NDUFB5: variants seen among roughly 807,000 people sequenced by gnomAD.
NDUFB5 encodes NADH dehydrogenase [ubiquinone] 1 beta subcomplex subunit 5, mitochondrial.
A neutral mutation model predicts 19.4 loss-of-function variants in NDUFB5; 19 were observed. The observed-to-expected ratio is 0.98, with a 90% CI of 0.68 to 1.43. The LOEUF is 1.43. Ranked by LOEUF, NDUFB5 falls within the 40% of genes most tolerant of loss-of-function variation. The pLI is 0.00. For missense variants in NDUFB5, 233 were observed against 236.5 expected, an observed-to-expected ratio of 0.99 and a Z score of 0.10; for synonymous variants, 80 against 82.6, an observed-to-expected ratio of 0.97 and a Z score of 0.17.
chr3:179,621,563 G>C (rs1230988360), intron 5 of NDUFB5, among the ~76,000 whole-genome samples: 1 of 149,088 alleles, frequency 6.7e-6, no homozygotes, highest in Non-Finnish European at 1.5e-5. Flanking sequence ...CGTGGTCTCG[G>C]CACACTGCAA....
chr3:179,604,836 G>T lies in NDUFB5; in HGVS notation c.21G>T (p.Leu7Phe). The T allele has an allele frequency of 9.3e-6, 15 of 1,606,622 alleles. No individual in the cohort carries two copies. The highest frequency in any genetic ancestry group is 1.3e-5 in the Non-Finnish European group (15 of 1,178,236). Residue 7 changes from leucine (L) to phenylalanine (F), a missense_variant, in exon 1 of 6, where the codon TTG (leucine) becomes TTT (phenylalanine). Leu to Phe is a conservative substitution (Grantham distance 22). Transcript: ENST00000259037. MAAMSL[L>F]RRVSVTAVAA... ...TAGCCATGGCGGCCATGAGTTTGTT[G>T]CGGCGGGTTTCGGTTACTGCGGTGG...
intron 1 of NDUFB5, among the ~76,000 whole-genome samples, chr3:179,608,996 A>C (rs1259742159): frequency 1.3e-5 from 2 of 152,238 alleles, no homozygotes; most frequent in Non-Finnish European, 2.9e-5. Flanking sequence ...ATTACTGTAA[A>C]GCTTCACTTA....
At chr3:179,605,553 C>T (rs1002229174) in intron 1 of NDUFB5, among the ~76,000 whole-genome samples, 1 of 151,820 alleles carries the variant, frequency 6.6e-6, no homozygotes, top group Non-Finnish European at 1.5e-5. Context: ...GCAACCTCCG[C>T]CTCCTGGGTT....
chr3:179,613,899 G>C (rs1454324603), intron 1 of NDUFB5, among the ~76,000 whole-genome samples: 2 of 152,144 alleles, frequency 1.3e-5, no homozygotes, highest in Admixed American at 1.3e-4. Context: ...AAAAATGTTG[G>C]CATCTTGGAA....
At chr3:179,619,695 A>C (rs1418049129) in intron 5 of NDUFB5, among the ~76,000 whole-genome samples, 1 of 152,134 alleles carries the variant, frequency 6.6e-6, no homozygotes, top group Non-Finnish European at 1.5e-5. Context: ...ATGATTTATA[A>C]TCCTTTGGGT....
In NDUFB5 at chr3:179,624,553, A is replaced by C. The variant is rs1719619734; in HGVS notation, c.*513A>C. On this transcript the variant is annotated 3_prime_UTR_variant, in exon 6 of 6. Coordinates refer to ENST00000259037, the MANE Select transcript of NDUFB5 (RefSeq NM_002492.4). ...CATGTATTGTTCTTTTTTAAACTAC[A>C]CACAGACACACAGACACGTACACAC... 1 of 142,752 alleles carries C rather than the reference A, an allele frequency of 7.0e-6. No homozygotes were observed. The allele number at this position is 142,752 out of a possible 1,614,324, so 8.8% of individuals were successfully genotyped here.
chr3:179,605,076 A>T, intron 1 of NDUFB5, 137 bp downstream of exon 1: 3 of 1,274,230 alleles, frequency 2.4e-6, no homozygotes, highest in Non-Finnish European at 2.1e-6. Context: ...GGAGAGACGG[A>T]GCACGAGCTA....
chr3:179,621,278 G>A (rs1158670191), intron 5 of NDUFB5, among the ~76,000 whole-genome samples: 2 of 151,896 alleles, frequency 1.3e-5, no homozygotes, highest in African/African-American at 2.4e-5. Flanking sequence ...TAGTTTCACC[G>A]TGTTGCCTAG....
chr3:179,618,537 G>T lies in NDUFB5; in HGVS notation c.449+16G>T. The T allele has an allele frequency of 6.5e-7, 1 of 1,548,306 alleles. No homozygotes were observed. The highest frequency in any genetic ancestry group is 1.2e-5 in the South Asian group (1 of 86,758). ...CTGAATTACGGTAGGAAAAACGAGG[G>T]GGTAGGTGGGAAAGAAAATCTTCCT... On this transcript the variant is annotated intron_variant, in intron 5 of 5. Coordinates refer to ENST00000259037, the MANE Select transcript of NDUFB5 (RefSeq NM_002492.4).
chr3:179,621,703 A>G (rs1719543436), intron 5 of NDUFB5, among the ~76,000 whole-genome samples: 2 of 147,712 alleles, frequency 1.4e-5, no homozygotes, highest in Non-Finnish European at 3.0e-5. Flanking sequence ...CTGGTCTTGA[A>G]CTCCTGGCCT....
At chr3:179,609,233 T>G (rs142333295) in intron 1 of NDUFB5, among the ~76,000 whole-genome samples, 2,191 of 152,266 alleles carry the variant, frequency 0.014, 20 homozygotes, top group Middle Eastern at 0.041. Context: ...TCTGCAGAAG[T>G]GTAATTGCTG....
rs1021133014 is a variant in NDUFB5 at position 179,625,290 on chromosome 3, A to G, written c.*1250A>G. 3 of 152,220 alleles carry G rather than the reference A, an allele frequency of 2.0e-5. No homozygotes were observed. Among genetic ancestry groups the G allele is most frequent in the Non-Finnish European group, 4.4e-5 (3 of 68,046 alleles). The allele number at this position is 152,220 out of a possible 1,614,324, so 9.4% of individuals were successfully genotyped here. On this transcript the variant is annotated 3_prime_UTR_variant, in exon 6 of 6. Coordinates refer to ENST00000259037, the MANE Select transcript of NDUFB5 (RefSeq NM_002492.4). ...TAGAAGTATGTTTTACATTCTTCAT[A>G]AAAATAAAAATGAACCCAGGCTTCC...
chr3:179,618,337 C>A, intron 4 of NDUFB5, 78 bp from the exon 5 acceptor site: 1 of 845,878 alleles, frequency 1.2e-6, no homozygotes, highest in Non-Finnish European at 1.9e-6. Flanking sequence ...CTGAAATGAT[C>A]ATTTTAAAGA....
In NDUFB5 at chr3:179,604,821, G is replaced by A. The variant is rs1232979198; in HGVS notation, c.6G>A (p.Ala2=). The A allele has an allele frequency of 6.2e-7, 1 of 1,607,734 alleles. No individual in the cohort carries two copies. The highest frequency in any genetic ancestry group is 8.5e-7 in the Non-Finnish European group (1 of 1,178,558). ...TCCTCCTGCCCGTAGTAGCCATGGC[G>A]GCCATGAGTTTGTTGCGGCGGGTTT... M[A]AMSLLRRVSV... Residue 2 remains alanine, a synonymous_variant, in exon 1 of 6, where the codon GCG becomes GCA. Coordinates refer to ENST00000259037, the MANE Select transcript of NDUFB5 (RefSeq NM_002492.4).
At chr3:179,622,700 A>C (rs923255468) in intron 5 of NDUFB5, among the ~76,000 whole-genome samples, 18 of 152,228 alleles carry the variant, frequency 1.2e-4, no homozygotes, top group Non-Finnish European at 2.4e-4. Flanking sequence ...AACGTTATTT[A>C]ATCCTTCAAA....
chr3:179,622,248 T>TC (rs1719557772), intron 5 of NDUFB5, among the ~76,000 whole-genome samples: 1 of 152,218 alleles, frequency 6.6e-6, no homozygotes, highest in African/African-American at 2.4e-5. Context: ...TGCCTTGGCC[T>TC]CCCATAGTGC....
intron 2 of NDUFB5, chr3:179,615,502 C>T (rs1719353582): frequency 2.3e-6 from 1 of 431,428 alleles, no homozygotes; most frequent in African/African-American, 2.0e-5. Context: ...CTTAATTTAG[C>T]AATAATATAA....
At chr3:179,615,773 G>A in intron 2 of NDUFB5, 1 of 597,190 alleles carries the variant, frequency 1.7e-6, no homozygotes, top group Middle Eastern at 2.6e-4. Context: ...TCACCCTGAT[G>A]CTTTTAGACT....
chr3:179,609,132 T>C (rs1719176518), intron 1 of NDUFB5, among the ~76,000 whole-genome samples: 1 of 152,222 alleles, frequency 6.6e-6, no homozygotes, highest in African/African-American at 2.4e-5. Context: ...TCAGTGACAT[T>C]GAGTATGACT....
Sources: allele counts gnomAD v4.1 joint callset (sites outside exome capture counted in the v4.1 genomes callset), GRCh38; gene constraint gnomAD v4.1.1; transcripts MANE v1.5; gene names NCBI Gene and HGNC (gene_info 2026-07-23, HGNC 2026-07-21).